LINGO2: variants seen among roughly 807,000 people sequenced by gnomAD.
LINGO2 encodes leucine rich repeat and Ig domain containing 2.
In LINGO2, 14 loss-of-function variants were observed where a neutral mutation model predicts 30.6. The ratio of observed to expected loss-of-function variants is 0.46; its 90% CI spans 0.30 to 0.72. The LOEUF (loss-of-function observed/expected upper bound fraction) is 0.72. LINGO2 is among the 30% of genes least tolerant of loss of function. The probability of loss-of-function intolerance (pLI) is 0.07; values close to 1 mark genes in which losing one functional copy is unlikely to be tolerated. For missense variants in LINGO2, 729 were observed against 751.7 expected (o/e 0.97, Z 0.35); for synonymous variants, 317 against 288.5 (o/e 1.10, Z -1.00).
At chr9:28,891,379 G>C in the LINGO2 span, among the ~76,000 whole-genome samples, 1 of 151,716 alleles carries the variant, frequency 6.6e-6, no homozygotes, top group Non-Finnish European at 1.5e-5. Flanking sequence ...TCATTATTGA[G>C]GGTAAGGAAT....
chr9:28,724,124 T>A, the LINGO2 span, among the ~76,000 whole-genome samples: 863 of 152,258 alleles, frequency 5.7e-3, 8 homozygotes, highest in African/African-American at 0.019. Context: ...TTAGATCTAG[T>A]TCTAGCTCAG....
chr9:28,645,122 T>C (rs1827780661), intron 1 of LINGO2, among the ~76,000 whole-genome samples: 1 of 152,160 alleles, frequency 6.6e-6, no homozygotes. Flanking sequence ...CCGATGGTTC[T>C]AAAATCCAGC....
At chr9:28,787,323 G>A in the LINGO2 span, among the ~76,000 whole-genome samples, 2 of 152,064 alleles carry the variant, frequency 1.3e-5, no homozygotes, top group Admixed American at 6.6e-5. Flanking sequence ...TATTATATTC[G>A]ATAAGACACA....
chr9:28,450,796 C>G (rs1040515378), intron 2 of LINGO2, among the ~76,000 whole-genome samples: 1 of 151,860 alleles, frequency 6.6e-6, no homozygotes, highest in African/African-American at 2.4e-5. Flanking sequence ...TATATATTAA[C>G]TTGGCTGGAA....
the LINGO2 span, among the ~76,000 whole-genome samples, chr9:29,018,742 AGATCTGAAC>A: frequency 0.016 from 2,494 of 152,282 alleles, 46 homozygotes; most frequent in Admixed American, 0.046. Flanking sequence ...CTTATTACTT[AGATCTGAAC>A]GAAGTGTTTG....
At chr9:28,118,503 A>T (rs996486609) in intron 4 of LINGO2, among the ~76,000 whole-genome samples, 1 of 152,176 alleles carries the variant, frequency 6.6e-6, no homozygotes, top group African/African-American at 2.4e-5. Flanking sequence ...TCAGTAAGCT[A>T]TCTAACTTTG....
chr9:28,558,409 C>T (rs1822865062), intron 1 of LINGO2, among the ~76,000 whole-genome samples: 1 of 151,990 alleles, frequency 6.6e-6, no homozygotes, highest in African/African-American at 2.4e-5. Flanking sequence ...GTTTAGTATG[C>T]ATATTCCTCC....
In LINGO2 at chr9:28,308,583, G is replaced by C. The variant is rs1312424298; in HGVS notation, c.-245-13217C>G. Among the ~76,000 whole-genome samples the C allele has an allele frequency of 8.2e-5, 12 of 145,626 alleles. No homozygotes were observed. In the South Asian group the frequency reaches 2.6e-3, roughly 32 times the overall value. ...AACAAAAGCCAAAATTGACAAACGG[G>C]ATCTCATTAAACTAAAGAGCTTCTG... On this transcript the variant is annotated intron_variant, in intron 3 of 5. Transcript: ENST00000379992.
At chr9:29,091,406 A>AC in the LINGO2 span, among the ~76,000 whole-genome samples, 2 of 126,426 alleles carry the variant, frequency 1.6e-5, no homozygotes, top group East Asian at 5.1e-4. Flanking sequence ...ATTTCAAAAA[A>AC]AATTTTTTTG....
chr9:29,023,611 T>C, the LINGO2 span, among the ~76,000 whole-genome samples: 1 of 152,132 alleles, frequency 6.6e-6, no homozygotes, highest in Non-Finnish European at 1.5e-5. Context: ...AAAATTGTTT[T>C]AGGTAAAATT....
chr9:28,266,287 A>G (rs145236027), intron 4 of LINGO2, among the ~76,000 whole-genome samples: 106 of 152,102 alleles, frequency 7.0e-4, no homozygotes, highest in East Asian at 5.1e-3. Context: ...TTACTTGAAT[A>G]GTATAATGTT....
intron 4 of LINGO2, among the ~76,000 whole-genome samples, chr9:28,235,671 T>C (rs549945018): frequency 1.3e-5 from 2 of 152,298 alleles, no homozygotes; most frequent in African/African-American, 4.8e-5. Flanking sequence ...GCAGGAATTC[T>C]AGAGTTGAAA....
chr9:29,115,028 C>G, the LINGO2 span, among the ~76,000 whole-genome samples: 1 of 151,956 alleles, frequency 6.6e-6, no homozygotes, highest in African/African-American at 2.4e-5. Context: ...TGTGTACCAC[C>G]TCACTAATAA....
chr9:28,862,484 T>C, the LINGO2 span, among the ~76,000 whole-genome samples: 3 of 152,144 alleles, frequency 2.0e-5, no homozygotes, highest in Non-Finnish European at 4.4e-5. Context: ...ACTGATTTTC[T>C]TTTATCTAAC....
chr9:28,452,069 C>G (rs1165276354), intron 2 of LINGO2, among the ~76,000 whole-genome samples: 1 of 151,500 alleles, frequency 6.6e-6, no homozygotes, highest in Non-Finnish European at 1.5e-5. Context: ...CTTATTTATC[C>G]AACATTCATA....
intron 2 of LINGO2, among the ~76,000 whole-genome samples, chr9:28,425,502 A>G (rs941704319): frequency 6.6e-6 from 1 of 151,994 alleles, no homozygotes; most frequent in African/African-American, 2.4e-5. Context: ...GCAGCCTGGC[A>G]CTAAAGCTCA....
the LINGO2 span, among the ~76,000 whole-genome samples, chr9:29,143,882 C>T: frequency 6.6e-6 from 1 of 152,054 alleles, no homozygotes; most frequent in South Asian, 2.1e-4. Flanking sequence ...AGATTTTCTT[C>T]TAGGATTTTT....
chr9:27,941,263 T>G, the LINGO2 span: 1 of 152,188 alleles, frequency 6.6e-6, no homozygotes, highest in Non-Finnish European at 1.5e-5. Context: ...GGTGAAACCC[T>G]GTCTCTACTA....
chr9:28,014,194 A>G (rs1822704791), intron 4 of LINGO2, among the ~76,000 whole-genome samples: 1 of 152,200 alleles, frequency 6.6e-6, no homozygotes. Flanking sequence ...GAGCATTTGG[A>G]AAATTAAATT....
Sources: allele counts gnomAD v4.1 joint callset (sites outside exome capture counted in the v4.1 genomes callset), GRCh38; gene constraint gnomAD v4.1.1; transcripts MANE v1.5; gene names NCBI Gene and HGNC (gene_info 2026-07-23, HGNC 2026-07-21).